Variants in ISCA1 observed in about 807,000 individuals in gnomAD.
ISCA1 encodes the protein iron-sulfur cluster assembly 1 homolog, mitochondrial.
In ISCA1, 9 loss-of-function variants were observed where a neutral mutation model predicts 14.7. The ratio of observed to expected loss-of-function variants is 0.61; its 90% CI spans 0.37 to 1.07. The LOEUF (loss-of-function observed/expected upper bound fraction) is 1.07, where lower values mean the gene tolerates loss of function less well. ISCA1 is among the 50% of genes least tolerant of loss of function. The pLI, the probability that ISCA1 is intolerant of heterozygous loss-of-function variation, is 0.01. For missense variants in ISCA1, 102 were observed against 150.1 expected, an observed-to-expected ratio of 0.68 and a Z score of 1.67; for synonymous variants, 38 against 54.3, an observed-to-expected ratio of 0.70 and a Z score of 1.32.
intron 3 of ISCA1, 41 bp downstream of exon 3, chr9:86,271,966 G>C (rs1825375440): frequency 8.9e-7 from 1 of 1,124,502 alleles, no homozygotes; most frequent in Non-Finnish European, 1.3e-6. Flanking sequence ...AATAATTTTA[G>C]GCAAAACAAT....
intron 3 of ISCA1, 131 bp downstream of exon 3, chr9:86,271,876 C>T: frequency 1.6e-6 from 1 of 613,234 alleles, no homozygotes; most frequent in Non-Finnish European, 2.9e-6. Context: ...TTCCATCAAA[C>T]AACACCTACA....
intron 3 of ISCA1, among the ~76,000 whole-genome samples, chr9:86,266,692 G>A (rs994814033): frequency 6.6e-6 from 1 of 151,862 alleles, no homozygotes; most frequent in African/African-American, 2.4e-5. Context: ...CTATTCCCTA[G>A]TAATTACACA....
rs998940745 is a variant in ISCA1, at chr9:86,272,084, C to T, written c.164G>A (p.Arg55Lys). The T allele has an allele frequency of 6.2e-7, 1 of 1,605,098 alleles. No individual in the cohort carries two copies. The highest frequency in any genetic ancestry group is 1.1e-5 in the South Asian group (1 of 90,698). The change falls in exon 3 of 4, where the codon AGG becomes AAG. Residue 55 changes from arginine (R) to lysine (K), a missense_variant. Arg to Lys is a conservative substitution (Grantham distance 26). Transcript: ENST00000375991. ...HVGVKVGVRT[R>K]GCNGLSYTLE... ...AGTATAAGAAAGGCCATTACAGCCC[C>T]TGGTTCGGACACCAACTTTTACACC... is the stretch of plus-strand genomic sequence containing the variant.
intron 1 of ISCA1, among the ~76,000 whole-genome samples, chr9:86,278,328 GTA>G (rs1237227445): frequency 6.6e-6 from 1 of 151,984 alleles, no homozygotes; most frequent in African/African-American, 2.4e-5. Flanking sequence ...TCTTATTTGT[GTA>G]TATGTGTATA....
At chr9:86,271,883 TACAC>T in intron 3 of ISCA1, 120 bp downstream of exon 3, 1 of 631,104 alleles carries the variant, frequency 1.6e-6, no homozygotes, top group Non-Finnish European at 2.9e-6. Context: ...AAACAACACC[TACAC>T]ACACAGTGAG....
intron 2 of ISCA1, among the ~76,000 whole-genome samples, chr9:86,273,454 G>A (rs974386279): frequency 1.3e-5 from 2 of 152,112 alleles, no homozygotes; most frequent in African/African-American, 2.4e-5. Flanking sequence ...GAATGAAAAC[G>A]ACCCTTTAAT....
In ISCA1 at chr9:86,265,393, C is replaced by CA. The variant is rs1291394740; in HGVS notation, c.*649dup. ...TAAGAGACTTCTCAACTAAAAGAAT[C>CA]AAAGTCAGCTTGAGAGCCCATCTCT... On this transcript the variant is annotated 3_prime_UTR_variant, in exon 4 of 4. Transcript: ENST00000375991. The CA allele has an allele frequency of 6.6e-6, 1 of 152,224 alleles. No homozygotes were observed. The highest frequency in any genetic ancestry group is 2.4e-5 in the African/African-American group (1 of 41,410). The allele number at this position is 152,224 out of a possible 1,614,324, so 9.4% of individuals were successfully genotyped here.
chr9:86,268,435 A>T (rs1825318910), intron 3 of ISCA1, among the ~76,000 whole-genome samples: 1 of 149,682 alleles, frequency 6.7e-6, no homozygotes, highest in Non-Finnish European at 1.5e-5. Context: ...ATGTTATCAC[A>T]AAAGAGTCAA....
Position 86,265,094 on chromosome 9 carries a change from T to A in ISCA1, c.*949A>T, listed in dbSNP as rs1337192357. The A allele has an allele frequency of 6.6e-6, 1 of 152,222 alleles. No homozygotes were observed. The highest frequency in any genetic ancestry group is 1.5e-5 in the Non-Finnish European group (1 of 68,046). The allele number at this position is 152,222 out of a possible 1,614,324, so 9.4% of individuals were successfully genotyped here. A position where few individuals can be genotyped will look rare whatever the true frequency, so the allele number is the denominator to read the frequency against. ...GATGGTAATTGACATAAAAAGGTTT[T>A]AAAATTCTTCCCACTCAAAATAAAA... On this transcript the variant is annotated 3_prime_UTR_variant, in exon 4 of 4. Transcript: ENST00000375991.
At chr9:86,273,752 C>T (rs1011212826) in intron 2 of ISCA1, among the ~76,000 whole-genome samples, 10 of 152,112 alleles carry the variant, frequency 6.6e-5, no homozygotes, top group African/African-American at 2.4e-4. Flanking sequence ...TACTTTTACT[C>T]TATACAGTCA....
At chr9:86,272,202 A>C in intron 2 of ISCA1, 90 bp from the exon 3 acceptor site, 1 of 793,804 alleles carries the variant, frequency 1.3e-6, no homozygotes, top group Non-Finnish European at 2.2e-6. Flanking sequence ...TCCTCGTACC[A>C]AAATGGACTT....
intron 3 of ISCA1, among the ~76,000 whole-genome samples, chr9:86,267,965 C>T (rs2131220397): frequency 6.6e-6 from 1 of 151,996 alleles, no homozygotes; most frequent in Admixed American, 6.5e-5. Context: ...GTAAACAAAC[C>T]TATACTGCCA....
chr9:86,275,595 C>T (rs376191358), intron 1 of ISCA1, among the ~76,000 whole-genome samples: 4 of 152,326 alleles, frequency 2.6e-5, no homozygotes, highest in Admixed American at 6.5e-5. Context: ...GAAAACAATG[C>T]ACTGCACTTA....
chr9:86,274,218 T>C lies in ISCA1; in HGVS notation c.106A>G (p.Lys36Glu). 6.3e-7 allele frequency: 1 copy of C among 1,593,404 alleles called. No homozygotes were observed. The highest frequency in any genetic ancestry group is 2.2e-5 in the East Asian group (1 of 44,676). Residue 36 changes from lysine to glutamate, a missense_variant, in exon 2 of 4, where the codon AAA becomes GAA. Coordinates refer to ENST00000375991, the MANE Select transcript of ISCA1 (RefSeq NM_030940.4). ...TCAGGCTTATCTTTAAGAAGTTGTT[T>C]TATCTTGTTTACTGCTGAAGGTGTC... ...TLTPSAVNKI[K>E]QLLKDKPEHV...
intron 1 of ISCA1, among the ~76,000 whole-genome samples, chr9:86,277,793 T>C (rs1825457554): frequency 6.6e-6 from 1 of 152,210 alleles, no homozygotes; most frequent in African/African-American, 2.4e-5. Flanking sequence ...TAAAATATGA[T>C]GGTTTTTACT....
At chr9:86,266,304 C>T (rs976698757) in intron 3 of ISCA1, 113 bp from the exon 4 acceptor site, 1 of 1,437,770 alleles carries the variant, frequency 7.0e-7, no homozygotes, top group Non-Finnish European at 9.3e-7. Context: ...AAACAAGAAG[C>T]CTTGAACATT....
chr9:86,274,967 T>C (rs1044348882), intron 1 of ISCA1, among the ~76,000 whole-genome samples: 2 of 152,188 alleles, frequency 1.3e-5, no homozygotes, highest in Admixed American at 1.3e-4. Context: ...CATCACAGTT[T>C]GTGTGAAATA....
rs750211728 is a variant in ISCA1 at position 86,266,021 on chromosome 9, C to T, written c.*22G>A. 4.1e-5 allele frequency: 66 copies of T among 1,611,656 alleles called. No individual in the cohort carries two copies. Among genetic ancestry groups the T allele is most frequent in the Admixed American group, 3.3e-4 (20 of 59,922 alleles). ...CTTCCACGAGCTTTCCTGGAACCTA[C>T]GGCCAGAAGAGTCCTGAGATTTCAA... On this transcript the variant is annotated 3_prime_UTR_variant, in exon 4 of 4. Transcript: ENST00000375991.
chr9:86,271,755 T>C (rs752362266), intron 3 of ISCA1, among the ~76,000 whole-genome samples: 2 of 152,212 alleles, frequency 1.3e-5, no homozygotes, highest in Non-Finnish European at 2.9e-5. Flanking sequence ...CCACTTATTA[T>C]GACCTTAAAC....
Sources: allele counts gnomAD v4.1 joint callset (sites outside exome capture counted in the v4.1 genomes callset), GRCh38; gene constraint gnomAD v4.1.1; transcripts MANE v1.5; gene names NCBI Gene and HGNC (gene_info 2026-07-23, HGNC 2026-07-21).